Variants in BACH2 observed in about 807,000 individuals in gnomAD.
The protein encoded by BACH2 is BACH transcriptional regulator 2.
In BACH2, 5 loss-of-function variants were observed where a neutral mutation model predicts 61.8. That is an observed-to-expected ratio of 0.08 (90% CI 0.04 to 0.17). The LOEUF (loss-of-function observed/expected upper bound fraction) is 0.17. BACH2 is among the 10% of genes least tolerant of loss of function. The pLI is 1.00. For missense variants in BACH2, 824 were observed against 1,091.1 expected (o/e 0.76, Z 3.45); for synonymous variants, 446 against 440.1 (o/e 1.01, Z -0.17).
At chr6:90,013,269 C>T (rs2127782312) in intron 5 of BACH2, among the ~76,000 whole-genome samples, 1 of 152,068 alleles carries the variant, frequency 6.6e-6, no homozygotes, top group South Asian at 2.1e-4. Flanking sequence ...TTTTTCTTAC[C>T]TTACTGCATT....
At chr6:89,941,669 GGTCT>G (rs1430147394) in intron 7 of BACH2, among the ~76,000 whole-genome samples, 1 of 152,202 alleles carries the variant, frequency 6.6e-6, no homozygotes, top group Non-Finnish European at 1.5e-5. Flanking sequence ...GGAACACAGA[GGTCT>G]GTCTGTTGGA....
intron 5 of BACH2, among the ~76,000 whole-genome samples, chr6:90,039,532 G>T (rs1378424546): frequency 6.6e-6 from 1 of 152,086 alleles, no homozygotes; most frequent in Admixed American, 6.5e-5. Flanking sequence ...CCACAGGTGC[G>T]TGCTACCACG....
In BACH2 at chr6:90,252,553, A is replaced by G. The variant is rs1409417394; in HGVS notation, c.-315T>C. 1 of 152,164 alleles carries G rather than the reference A, an allele frequency of 6.6e-6. No homozygotes were observed. The highest frequency in any genetic ancestry group is 1.5e-5 in the Non-Finnish European group (1 of 68,018). The allele number at this position is 152,164 out of a possible 1,614,324, so 9.4% of individuals were successfully genotyped here. ...TGCTTTCTTCTGGCTTTATCATTCA[A>G]CTTCCCAGGCAAAGATGATCAACAG... On this transcript the variant is annotated 5_prime_UTR_variant, in exon 3 of 9. Transcript: ENST00000257749.
At chr6:90,007,084 A>T (rs1017729088) in intron 6 of BACH2, among the ~76,000 whole-genome samples, 12 of 149,380 alleles carry the variant, frequency 8.0e-5, no homozygotes, top group South Asian at 2.2e-4. Context: ...TATTATTATT[A>T]TTTTTTTTGA....
intron 5 of BACH2, among the ~76,000 whole-genome samples, chr6:90,010,028 A>G (rs1364331844): frequency 6.6e-6 from 1 of 152,220 alleles, no homozygotes; most frequent in Non-Finnish European, 1.5e-5. Flanking sequence ...GTTTTTCTGT[A>G]ATGTTTGCTA....
In BACH2 at chr6:90,120,130, C is replaced by T. The variant is rs1582386898; in HGVS notation, c.-161-31021G>A. Among the ~76,000 whole-genome samples, 4 of 152,294 alleles carry T rather than the reference C, an allele frequency of 2.6e-5. No homozygotes were observed. In the South Asian group the frequency reaches 8.3e-4, roughly 32 times the overall value. On this transcript the variant is annotated intron_variant, in intron 4 of 8. Coordinates refer to ENST00000257749, the MANE Select transcript of BACH2 (RefSeq NM_021813.4). ...ATCAATGAACAAGACAGACATATCA[C>T]ATATCACATATCACAAAGCTTATTC...
At chr6:90,052,349 T>C (rs1430281799) in intron 5 of BACH2, among the ~76,000 whole-genome samples, 1 of 152,172 alleles carries the variant, frequency 6.6e-6, no homozygotes, top group African/African-American at 2.4e-5. Context: ...TTCCAGTGAA[T>C]TAAAACCTTA....
intron 5 of BACH2, among the ~76,000 whole-genome samples, chr6:90,059,220 A>C (rs1442541172): frequency 3.3e-5 from 5 of 152,280 alleles, no homozygotes; most frequent in African/African-American, 9.6e-5. Flanking sequence ...TTTGCAAGCT[A>C]CTCATCTGAC....
chr6:90,213,578 C>T lies in BACH2; in HGVS notation c.-274-6897G>A, dbSNP rs559369575. On this transcript the variant is annotated intron_variant, in intron 3 of 8. Transcript: ENST00000257749. ...CAGTCTGAATATCAACTCCACCTCTCGGAATGTGATTTTTGGCAAGTTACT... is the reference window on the plus strand; with the variant it reads ...CAGTCTGAATATCAACTCCACCTCTTGGAATGTGATTTTTGGCAAGTTACT... Among the ~76,000 whole-genome samples, 112 of 152,268 alleles carry T rather than the reference C, an allele frequency of 7.4e-4. 3 individuals are homozygous for T. The South Asian group carries it at 0.022, about 30-fold the overall frequency.
At chr6:89,977,319 T>C (rs946502919) in intron 6 of BACH2, among the ~76,000 whole-genome samples, 6 of 152,234 alleles carry the variant, frequency 3.9e-5, no homozygotes, top group African/African-American at 1.4e-4. Flanking sequence ...AATTCTGCTA[T>C]TATATTTGTA....
chr6:89,970,997 A>G (rs1463223155), intron 6 of BACH2, among the ~76,000 whole-genome samples: 1 of 152,270 alleles, frequency 6.6e-6, no homozygotes. Flanking sequence ...TGTTCATCAC[A>G]TAGAATACAT....
Position 89,926,578 on chromosome 6 carries a change from G to A in BACH2, c.*5830C>T, listed in dbSNP as rs1163971432. 1.3e-5 allele frequency: 2 copies of A among 152,768 alleles called. No homozygotes were observed. Among genetic ancestry groups the A allele is most frequent in the African/African-American group, 4.8e-5 (2 of 41,440 alleles). The allele number at this position is 152,768 out of a possible 1,614,324, so 9.5% of individuals were successfully genotyped here. A position where few individuals can be genotyped will look rare whatever the true frequency, so the allele number is the denominator to read the frequency against. On this transcript the variant is annotated 3_prime_UTR_variant, in exon 9 of 9. Transcript: ENST00000257749. Reference sequence around the variant, plus strand: ...TCTTTATTTCATCAACAGAAATGGTGTCTAGACAAAATTCAGTTAACACTA... The same window carrying A: ...TCTTTATTTCATCAACAGAAATGGTATCTAGACAAAATTCAGTTAACACTA...
chr6:90,139,447 G>T (rs1161817508), intron 4 of BACH2, among the ~76,000 whole-genome samples: 1 of 152,220 alleles, frequency 6.6e-6, no homozygotes, highest in Non-Finnish European at 1.5e-5. Flanking sequence ...CTGGCTCCCT[G>T]AAGACACTCA....
At chr6:90,154,032 T>A (rs1385403497) in intron 4 of BACH2, among the ~76,000 whole-genome samples, 2 of 152,192 alleles carry the variant, frequency 1.3e-5, no homozygotes, top group African/African-American at 4.8e-5. Context: ...AAAAAGAACA[T>A]ATCATTCCAA....
intron 5 of BACH2, among the ~76,000 whole-genome samples, chr6:90,039,058 G>T (rs909037250): frequency 2.8e-4 from 42 of 149,826 alleles, no homozygotes; most frequent in Non-Finnish European, 5.8e-4. Flanking sequence ...AAAAAAAAAA[G>T]TTTACATACT....
At chr6:90,134,811 T>C (rs1784217660) in intron 4 of BACH2, among the ~76,000 whole-genome samples, 1 of 152,214 alleles carries the variant, frequency 6.6e-6, no homozygotes. Flanking sequence ...TCAGGGCAGG[T>C]AGCCTCTGTG....
chr6:89,997,722 G>A (rs896290573), intron 6 of BACH2, among the ~76,000 whole-genome samples: 1 of 152,134 alleles, frequency 6.6e-6, no homozygotes, highest in Non-Finnish European at 1.5e-5. Flanking sequence ...AAACAGATAA[G>A]CAGGGAGGCA....
chr6:89,974,616 G>T (rs1055843158), intron 6 of BACH2, among the ~76,000 whole-genome samples: 1 of 152,114 alleles, frequency 6.6e-6, no homozygotes, highest in African/African-American at 2.4e-5. Flanking sequence ...CAATTAAAGG[G>T]CACCAAGTCA....
chr6:89,966,181 T>C (rs1775037873), intron 6 of BACH2, among the ~76,000 whole-genome samples: 1 of 152,220 alleles, frequency 6.6e-6, no homozygotes, highest in African/African-American at 2.4e-5. Flanking sequence ...TTAGTCTCTT[T>C]CATCTAAGTC....
Sources: allele counts gnomAD v4.1 joint callset (sites outside exome capture counted in the v4.1 genomes callset), GRCh38; gene constraint gnomAD v4.1.1; transcripts MANE v1.5; gene names NCBI Gene and HGNC (gene_info 2026-07-23, HGNC 2026-07-21).